ARHGAP15: variants seen among roughly 807,000 people sequenced by gnomAD.
ARHGAP15 encodes rho GTPase-activating protein 15.
ARHGAP15 carries 51 observed loss-of-function variants against 63.7 expected under a neutral mutation model. The ratio of observed to expected loss-of-function variants is 0.80; its 90% CI spans 0.64 to 1.01. ARHGAP15 has a LOEUF of 1.01. Ranked by LOEUF, ARHGAP15 falls within the 50% of genes least tolerant of loss-of-function variation. The probability of loss-of-function intolerance (pLI) is 0.00; values close to 1 mark genes in which losing one functional copy is unlikely to be tolerated. For missense variants in ARHGAP15, 560 were observed against 564.6 expected, an observed-to-expected ratio of 0.99 and a Z score of 0.08; for synonymous variants, 191 against 193.8, an observed-to-expected ratio of 0.99 and a Z score of 0.12.
chr2:143,420,133 G>C (rs543031541), intron 6 of ARHGAP15, among the ~76,000 whole-genome samples: 1 of 152,214 alleles, frequency 6.6e-6, no homozygotes, highest in East Asian at 1.9e-4. Context: ...GGACAATGTG[G>C]GGAAATGCAG....
intron 6 of ARHGAP15, among the ~76,000 whole-genome samples, chr2:143,269,236 C>T (rs1370796625): frequency 2.6e-5 from 4 of 151,926 alleles, no homozygotes; most frequent in African/African-American, 4.8e-5. Flanking sequence ...GTCTGGAGAG[C>T]GGTCAGAGAT....
intron 11 of ARHGAP15, among the ~76,000 whole-genome samples, chr2:143,569,572 A>G (rs1423666497): frequency 3.3e-5 from 5 of 152,180 alleles, no homozygotes; most frequent in African/African-American, 9.7e-5. Context: ...ATCAGGACAC[A>G]CAGAAGGCCA....
At chr2:143,462,874 TAAAG>T (rs1240816060) in intron 8 of ARHGAP15, among the ~76,000 whole-genome samples, 2 of 152,164 alleles carry the variant, frequency 1.3e-5, no homozygotes, top group South Asian at 2.1e-4. Flanking sequence ...CTGAAGTTCA[TAAAG>T]AAACAGTTAG....
chr2:143,763,680 TTGCATA>T (rs1686844827), intron 13 of ARHGAP15, among the ~76,000 whole-genome samples: 1 of 149,300 alleles, frequency 6.7e-6, no homozygotes, highest in Non-Finnish European at 1.5e-5. Flanking sequence ...TATATGCAAA[TTGCATA>T]TGTATATGTA....
intron 9 of ARHGAP15, among the ~76,000 whole-genome samples, chr2:143,509,790 A>C (rs1442552284): frequency 6.6e-6 from 1 of 152,142 alleles, no homozygotes; most frequent in Non-Finnish European, 1.5e-5. Context: ...TGGGAGGCCG[A>C]GGCAGGCGGA....
chr2:143,397,936 T>C (rs1687840792), intron 6 of ARHGAP15, among the ~76,000 whole-genome samples: 1 of 152,194 alleles, frequency 6.6e-6, no homozygotes, highest in South Asian at 2.1e-4. Flanking sequence ...TCTGAGTAAC[T>C]GGATGAAATC....
chr2:143,153,184 G>A (rs147492136), intron 1 of ARHGAP15, among the ~76,000 whole-genome samples: 15 of 152,052 alleles, frequency 9.9e-5, no homozygotes, highest in South Asian at 8.3e-4. Flanking sequence ...TGTAAACACC[G>A]TGGCTAGATG....
At chr2:143,191,105 T>C (rs999184713) in intron 2 of ARHGAP15, among the ~76,000 whole-genome samples, 1 of 152,222 alleles carries the variant, frequency 6.6e-6, no homozygotes, top group Non-Finnish European at 1.5e-5. Context: ...CCAAGAAACA[T>C]TTCCAATCAA....
chr2:143,440,053 G>T, intron 8 of ARHGAP15, among the ~76,000 whole-genome samples: 1 of 150,462 alleles, frequency 6.6e-6, no homozygotes, highest in African/African-American at 2.4e-5. Flanking sequence ...TTTTTTTTAG[G>T]GCCAGTATGT....
chr2:143,154,826 A>G (rs1690015543), intron 1 of ARHGAP15, among the ~76,000 whole-genome samples: 1 of 151,898 alleles, frequency 6.6e-6, no homozygotes, highest in Non-Finnish European at 1.5e-5. Flanking sequence ...TCTTGCCTAA[A>G]TCAGACTCCT....
chr2:143,507,663 A>G (rs1445650510), intron 9 of ARHGAP15, among the ~76,000 whole-genome samples: 1 of 152,180 alleles, frequency 6.6e-6, no homozygotes, highest in African/African-American at 2.4e-5. Flanking sequence ...TTGCATATTC[A>G]AATATTGATT....
chr2:143,346,999 T>C (rs376391578), intron 6 of ARHGAP15, among the ~76,000 whole-genome samples: 32 of 152,098 alleles, frequency 2.1e-4, no homozygotes, highest in Non-Finnish European at 4.3e-4. Flanking sequence ...CTGTTTATCA[T>C]GGAAACTGAT....
intron 11 of ARHGAP15, among the ~76,000 whole-genome samples, chr2:143,605,696 A>G (rs1483525021): frequency 1.3e-5 from 2 of 151,704 alleles, no homozygotes; most frequent in African/African-American, 2.4e-5. Context: ...GATGGGCCAC[A>G]GGGAGCCAAT....
chr2:143,550,237 A>G lies in ARHGAP15; in HGVS notation c.926-6171A>G, dbSNP rs1695494794. Among the ~76,000 whole-genome samples, 4 of 152,188 alleles carry G rather than the reference A, an allele frequency of 2.6e-5. No homozygotes were observed. In the South Asian group the frequency reaches 8.3e-4, roughly 31 times the overall value. Reference sequence around the variant, plus strand: ...CTTAACAGCAGGGATGCTAGAAGATAATGGAACATATATTTTTCAAAGTTA... The same window carrying G: ...CTTAACAGCAGGGATGCTAGAAGATGATGGAACATATATTTTTCAAAGTTA... On this transcript the variant is annotated intron_variant, in intron 10 of 13. Coordinates refer to ENST00000295095, the MANE Select transcript of ARHGAP15 (RefSeq NM_018460.4).
intron 10 of ARHGAP15, among the ~76,000 whole-genome samples, chr2:143,531,234 AT>A (rs1177362415): frequency 6.6e-6 from 1 of 152,246 alleles, no homozygotes; most frequent in East Asian, 1.9e-4. Flanking sequence ...AACTATAAAT[AT>A]AAATGTAATT....
intron 12 of ARHGAP15, among the ~76,000 whole-genome samples, chr2:143,701,608 G>A (rs927226639): frequency 1.1e-4 from 17 of 152,262 alleles, no homozygotes; most frequent in East Asian, 9.7e-4. Flanking sequence ...GCATGCACCC[G>A]TGGTCCTAGC....
intron 6 of ARHGAP15, among the ~76,000 whole-genome samples, chr2:143,422,749 G>A (rs955487915): frequency 2.0e-5 from 3 of 152,134 alleles, no homozygotes; most frequent in Admixed American, 6.6e-5. Context: ...GAGGTGCAAT[G>A]AGGATCAGGG....
At chr2:143,652,102 T>G (rs1254469188) in intron 12 of ARHGAP15, among the ~76,000 whole-genome samples, 1 of 152,060 alleles carries the variant, frequency 6.6e-6, no homozygotes, top group African/African-American at 2.4e-5. Context: ...ACCACACTTC[T>G]TTATTAGTGT....
chr2:143,495,568 T>G (rs1486882053), intron 9 of ARHGAP15, among the ~76,000 whole-genome samples: 37 of 152,098 alleles, frequency 2.4e-4, no homozygotes, highest in Non-Finnish European at 4.4e-5. Flanking sequence ...TAAAAGAAAA[T>G]AATGTCTTTG....
Sources: gnomAD v4.1 joint callset for allele counts (sites outside exome capture counted in the v4.1 genomes callset) on GRCh38, gnomAD v4.1.1 for gene constraint, MANE v1.5 for transcripts, NCBI Gene and HGNC (gene_info 2026-07-23, HGNC 2026-07-21) for gene names.